Variants in PPP1R9A observed in about 807,000 individuals in gnomAD.
PPP1R9A encodes the protein protein phosphatase 1 regulatory subunit 9A, also known as neurabin-1.
Under a neutral mutation model 141.9 loss-of-function variants are expected in PPP1R9A, and 59 were observed. That is an observed-to-expected ratio of 0.42 (90% confidence interval 0.34 to 0.52). PPP1R9A has a LOEUF of 0.52. Among genes scored for constraint, PPP1R9A ranks in the 20% least tolerant of loss-of-function variants. The pLI is 0.10. For synonymous variants in PPP1R9A, 500 were observed against 569.7 expected (o/e 0.88, Z 1.74); for missense variants, 1,444 against 1,611.9 (o/e 0.90, Z 1.78).
intron 2 of PPP1R9A, among the ~76,000 whole-genome samples, chr7:95,072,910 A>AATATATATTATATATTGCATATATATT (rs1356768085): frequency 3.9e-4 from 48 of 123,336 alleles, no homozygotes; most frequent in African/African-American, 1.4e-3. Flanking sequence ...ATATATGTGC[A>AATATATATTATATATTGCATATATATT]ATATATATTA....
intron 4 of PPP1R9A, among the ~76,000 whole-genome samples, chr7:95,121,443 G>C (rs1259921692): frequency 8.7e-6 from 1 of 114,980 alleles, no homozygotes; most frequent in African/African-American, 3.3e-5. Flanking sequence ...CAAGCTATTT[G>C]TCTGTCTGTC....
intron 4 of PPP1R9A, among the ~76,000 whole-genome samples, chr7:95,143,981 A>G (rs962095315): frequency 1.3e-5 from 2 of 152,130 alleles, no homozygotes; most frequent in African/African-American, 4.8e-5. Context: ...TCATCAGCTC[A>G]CATAGTTAAT....
At chr7:95,184,746 C>G (rs963457132) in intron 5 of PPP1R9A, among the ~76,000 whole-genome samples, 7 of 152,156 alleles carry the variant, frequency 4.6e-5, no homozygotes, top group African/African-American at 1.7e-4. Flanking sequence ...AGTTACTTTA[C>G]TTAGAATAAT....
At chr7:95,256,019 G>A (rs1799534959) in intron 12 of PPP1R9A, among the ~76,000 whole-genome samples, 2 of 152,064 alleles carry the variant, frequency 1.3e-5, no homozygotes, top group Admixed American at 6.6e-5. Flanking sequence ...TCAGTGAGTG[G>A]ACCACCAGTT....
At chr7:94,989,145 A>G (rs967921971) in intron 2 of PPP1R9A, among the ~76,000 whole-genome samples, 1 of 152,044 alleles carries the variant, frequency 6.6e-6, no homozygotes, top group Non-Finnish European at 1.5e-5. Context: ...TTTCCAGGTG[A>G]TGTTAATGAG....
Position 95,269,476 on chromosome 7 carries a change from A to G in PPP1R9A, c.3093A>G (p.Gln1031=), listed in dbSNP as rs2153046903. 1.3e-6 allele frequency: 2 copies of G among 1,580,752 alleles called. No homozygotes were observed. The highest frequency in any genetic ancestry group is 4.5e-5 in the East Asian group (2 of 44,760). The part of the protein sequence containing the change: ...HDVEESPCHH[Q]TTNKKILREK... ...TGGAAGAATCTCCTTGCCATCACCA[A>G]ACCACCAACAAGAAAATATTACGAG... The change falls in exon 14 of 20, where the codon CAA becomes CAG. Residue 1031 remains glutamine, a synonymous_variant. Transcript: ENST00000433360.
At chr7:95,271,346 C>G (rs900908465) in intron 14 of PPP1R9A, among the ~76,000 whole-genome samples, 2 of 152,110 alleles carry the variant, frequency 1.3e-5, no homozygotes, top group Non-Finnish European at 2.9e-5. Context: ...GTGGTGCCCT[C>G]TAAAGAGGAG....
intron 2 of PPP1R9A, among the ~76,000 whole-genome samples, chr7:95,052,494 C>T (rs751010363): frequency 6.6e-5 from 10 of 152,024 alleles, no homozygotes; most frequent in Non-Finnish European, 1.5e-4. Flanking sequence ...GTGTTGCCAT[C>T]CTTCAAGATA....
intron 2 of PPP1R9A, among the ~76,000 whole-genome samples, chr7:94,980,391 A>G (rs568731202): frequency 2.0e-5 from 3 of 152,186 alleles, no homozygotes; most frequent in East Asian, 1.9e-4. Flanking sequence ...TATATAAAAT[A>G]AAAGTTTCAT....
At chr7:94,927,933 T>C (rs1283341951) in intron 2 of PPP1R9A, among the ~76,000 whole-genome samples, 1 of 152,188 alleles carries the variant, frequency 6.6e-6, no homozygotes, top group African/African-American at 2.4e-5. Context: ...GGGACACTTT[T>C]TGAGAATGAA....
intron 2 of PPP1R9A, among the ~76,000 whole-genome samples, chr7:94,951,237 C>A (rs1260269177): frequency 6.7e-6 from 1 of 149,558 alleles, no homozygotes; most frequent in Non-Finnish European, 1.5e-5. Context: ...TTTTTTTCTT[C>A]TTTGTCTTAC....
chr7:95,092,725 T>C (rs1817525412), intron 2 of PPP1R9A, among the ~76,000 whole-genome samples: 1 of 152,190 alleles, frequency 6.6e-6, no homozygotes. Context: ...GAAAATAGCA[T>C]TAACAAATGA....
chr7:95,087,071 G>A (rs1224003374), intron 2 of PPP1R9A, among the ~76,000 whole-genome samples: 1 of 148,160 alleles, frequency 6.7e-6, no homozygotes, highest in African/African-American at 2.7e-5. Flanking sequence ...GAAAGAGAGA[G>A]AGAAAGCCAA....
intron 2 of PPP1R9A, among the ~76,000 whole-genome samples, chr7:95,069,153 A>T (rs1489329535): frequency 6.6e-6 from 1 of 152,196 alleles, no homozygotes; most frequent in Admixed American, 6.5e-5. Context: ...AAATGCAGCC[A>T]TCTGCAGAAC....
chr7:95,102,196 A>G lies in PPP1R9A; in HGVS notation c.1396-9063A>G, dbSNP rs554826802. On this transcript the variant is annotated intron_variant, in intron 2 of 19. Coordinates refer to ENST00000433360, the MANE Select transcript of PPP1R9A (RefSeq NM_001166160.2). ...AAAGCTTAACTATCTAAAAAACATA[A>G]TAATATCTTCTAGATAGAAATATGG... 1.6e-4 allele frequency among the ~76,000 whole-genome samples: 24 copies of G among 152,344 alleles called. 1 individual carries two copies. In the South Asian group the frequency reaches 4.6e-3, roughly 29 times the overall value.
At chr7:95,000,882 C>A (rs1563102552) in intron 2 of PPP1R9A, among the ~76,000 whole-genome samples, 1 of 152,084 alleles carries the variant, frequency 6.6e-6, no homozygotes, top group South Asian at 2.1e-4. Flanking sequence ...AATTGACTTG[C>A]AATTTTGGTT....
At chr7:95,115,418 C>G (rs1177585728) in intron 3 of PPP1R9A, among the ~76,000 whole-genome samples, 1 of 152,008 alleles carries the variant, frequency 6.6e-6, no homozygotes, top group Non-Finnish European at 1.5e-5. Flanking sequence ...CCAGATGATT[C>G]TATTGTACCT....
At chr7:95,100,407 A>G (rs1391554416) in intron 2 of PPP1R9A, among the ~76,000 whole-genome samples, 2 of 152,222 alleles carry the variant, frequency 1.3e-5, no homozygotes, top group Non-Finnish European at 2.9e-5. Flanking sequence ...GGATACAACA[A>G]TTTACTCCAA....
intron 2 of PPP1R9A, among the ~76,000 whole-genome samples, chr7:94,941,068 T>G (rs1795287663): frequency 6.6e-6 from 1 of 152,148 alleles, no homozygotes; most frequent in African/African-American, 2.4e-5. Flanking sequence ...CTCTACTTGG[T>G]TTGATATTGT....
Sources: allele counts gnomAD v4.1 joint callset (sites outside exome capture counted in the v4.1 genomes callset), GRCh38; gene constraint gnomAD v4.1.1; transcripts MANE v1.5; gene names NCBI Gene and HGNC (gene_info 2026-07-23, HGNC 2026-07-21).